Variants in NEMP2 observed in about 807,000 individuals in gnomAD.
The protein encoded by NEMP2 is UPF0571 transmembrane protein.
A neutral mutation model predicts 54.2 loss-of-function variants in NEMP2; 53 were observed. The observed-to-expected ratio is 0.98, with a 90% CI of 0.78 to 1.23. NEMP2 has a LOEUF of 1.23. Ranked by LOEUF, NEMP2 falls within the 50% of genes most tolerant of loss-of-function variation. The pLI is 0.00. For missense variants in NEMP2, 455 were observed against 511.3 expected (o/e 0.89, Z 1.06); for synonymous variants, 197 against 190.3 (o/e 1.04, Z -0.29).
rs931734833 is a variant in NEMP2 at position 190,530,855 on chromosome 2, A to G, written c.97+3704T>C. 6.6e-6 allele frequency among the ~76,000 whole-genome samples: 1 copy of G among 152,212 alleles called. No homozygotes were observed. The highest frequency in any genetic ancestry group is 6.5e-5 in the Admixed American group (1 of 15,286). ...AGAACCTCCGGTAGCAGATGTAGGCAAACTCAAATGTATCAAAACAACAAC... is the reference window on the plus strand; with the variant it reads ...AGAACCTCCGGTAGCAGATGTAGGCGAACTCAAATGTATCAAAACAACAAC... On this transcript the variant is annotated intron_variant, in intron 1 of 8. Transcript: ENST00000409150. This position sits in a 1 kb window ranked among gnomAD's most constrained non-coding sequence, Gnocchi z 4.6.
chr2:190,434,410 A>G, the NEMP2 span, among the ~76,000 whole-genome samples: 1,146 of 152,258 alleles, frequency 7.5e-3, 17 homozygotes, highest in Non-Finnish European at 7.9e-3. This position sits in a 1 kb window ranked among gnomAD's most constrained non-coding sequence, Gnocchi z 4.3. Flanking sequence ...CTAATATCGT[A>G]TATGAAAAAC....
downstream of NEMP2, chr2:190,500,244 G>A: frequency 6.2e-7 from 1 of 1,613,010 alleles, no homozygotes; most frequent in African/African-American, 1.3e-5. The surrounding 1 kb of genome is among the most constrained non-coding windows in gnomAD (Gnocchi z 5.3). Context: ...CTCACACCCT[G>A]CATGGAATCA....
chr2:190,453,069 G>A, the NEMP2 span, among the ~76,000 whole-genome samples: 4,186 of 152,138 alleles, frequency 0.028, 97 homozygotes, highest in Non-Finnish European at 0.038. Context: ...GTTGGAGGTG[G>A]AAGACAGTAA....
the NEMP2 span, among the ~76,000 whole-genome samples, chr2:190,473,726 G>A: frequency 6.6e-6 from 1 of 152,116 alleles, no homozygotes; most frequent in Admixed American, 6.5e-5. Flanking sequence ...GGACCTAATA[G>A]ACATCTACAG....
the NEMP2 span, among the ~76,000 whole-genome samples, chr2:190,621,893 G>A: frequency 5.3e-3 from 804 of 152,298 alleles, 13 homozygotes; most frequent in African/African-American, 0.018. Flanking sequence ...TGACTCACCC[G>A]AGGTCAGGGG....
the NEMP2 span, among the ~76,000 whole-genome samples, chr2:190,594,086 C>G: frequency 6.6e-6 from 1 of 152,202 alleles, no homozygotes; most frequent in Non-Finnish European, 1.5e-5. The surrounding 1 kb of genome is among the most constrained non-coding windows in gnomAD (Gnocchi z 5.6). Context: ...CTTCTCTGCT[C>G]TCTGCCACTG....
the NEMP2 span, among the ~76,000 whole-genome samples, chr2:190,591,330 TATC>T: frequency 6.6e-6 from 1 of 152,212 alleles, no homozygotes; most frequent in East Asian, 1.9e-4. This position sits in a 1 kb window ranked among gnomAD's most constrained non-coding sequence, Gnocchi z 5.4. Flanking sequence ...TTGAGTCTAA[TATC>T]ATTGCTGATA....
the NEMP2 span, among the ~76,000 whole-genome samples, chr2:190,476,456 CTCA>C: frequency 6.6e-6 from 1 of 152,098 alleles, no homozygotes; most frequent in African/African-American, 2.4e-5. Flanking sequence ...TGAAAAAATG[CTCA>C]TCATCACTGG....
chr2:190,576,974 TG>T, the NEMP2 span, among the ~76,000 whole-genome samples: 2 of 152,208 alleles, frequency 1.3e-5, no homozygotes, highest in Admixed American at 1.3e-4. Flanking sequence ...TGTCAGCAAC[TG>T]TTTATTCACC....
At position 190,512,656 on chromosome 2, in the gene NEMP2, G is replaced by T. The variant is rs1574292366; in HGVS notation, c.953+1797C>A. 6.6e-6 allele frequency among the ~76,000 whole-genome samples: 1 copy of T among 152,180 alleles called. No homozygotes were observed. Among genetic ancestry groups the T allele is most frequent in the Non-Finnish European group, 1.5e-5 (1 of 68,038 alleles). On this transcript the variant is annotated intron_variant, in intron 7 of 8. Transcript: ENST00000409150. The surrounding 1 kb of genome is among the most constrained non-coding windows in gnomAD (Gnocchi z 4.5). ...CTGGATGGTTAAAGGGAAGGAAGAA[G>T]GAACTCTATCCTGAGTTCCTCAGGC... is the stretch of plus-strand genomic sequence containing the variant.
At chr2:190,536,166 C>T (rs947084546), upstream of NEMP2, among the ~76,000 whole-genome samples, 3 of 152,094 alleles carry the variant, frequency 2.0e-5, no homozygotes, top group Admixed American at 1.3e-4. Context: ...AATATTTTTC[C>T]GGAGATAACA....
chr2:190,427,919 A>G, the NEMP2 span, among the ~76,000 whole-genome samples: 1 of 152,090 alleles, frequency 6.6e-6, no homozygotes. Flanking sequence ...TTTAGTAGAG[A>G]TGGGGTTTCA....
downstream of NEMP2, among the ~76,000 whole-genome samples, chr2:190,503,095 G>A (rs1574281353): frequency 6.6e-6 from 1 of 152,218 alleles, no homozygotes; most frequent in African/African-American, 2.4e-5. The surrounding 1 kb of genome is among the most constrained non-coding windows in gnomAD (Gnocchi z 6.3). Flanking sequence ...GTGTGTGGTT[G>A]TATTTCCATT....
chr2:190,595,052 G>A, the NEMP2 span, among the ~76,000 whole-genome samples: 4 of 152,018 alleles, frequency 2.6e-5, no homozygotes, highest in East Asian at 5.8e-4. The surrounding 1 kb of genome is among the most constrained non-coding windows in gnomAD (Gnocchi z 4.0). Context: ...GAGTACACTC[G>A]CCAAGAAATA....
the NEMP2 span, among the ~76,000 whole-genome samples, chr2:190,461,736 T>G: frequency 6.6e-6 from 1 of 152,172 alleles, no homozygotes; most frequent in African/African-American, 2.4e-5. The surrounding 1 kb of genome is among the most constrained non-coding windows in gnomAD (Gnocchi z 5.5). Context: ...CTTAATCACC[T>G]CCTTCATACT....
the NEMP2 span, among the ~76,000 whole-genome samples, chr2:190,593,489 G>A: frequency 1.3e-5 from 2 of 152,306 alleles, no homozygotes; most frequent in Middle Eastern, 3.4e-3. This position sits in a 1 kb window ranked among gnomAD's most constrained non-coding sequence, Gnocchi z 4.5. Flanking sequence ...AGGGAAGAGT[G>A]AAGAGTCTTC....
At chr2:190,524,391 CA>C in intron 2 of NEMP2, among the ~76,000 whole-genome samples, 1 of 152,230 alleles carries the variant, frequency 6.6e-6, no homozygotes, top group African/African-American at 2.4e-5. Flanking sequence ...GGGAAGAAAA[CA>C]GTAATTTTAG....
chr2:190,517,303 A>G (rs946453739), intron 5 of NEMP2, among the ~76,000 whole-genome samples: 3 of 152,100 alleles, frequency 2.0e-5, no homozygotes, highest in Non-Finnish European at 4.4e-5. Flanking sequence ...GGGTCTCAAA[A>G]AAAGTATCAT....
At chr2:190,467,952 T>C in the NEMP2 span, among the ~76,000 whole-genome samples, 1 of 152,246 alleles carries the variant, frequency 6.6e-6, no homozygotes, top group African/African-American at 2.4e-5. The surrounding 1 kb of genome is among the most constrained non-coding windows in gnomAD (Gnocchi z 5.5). Flanking sequence ...AACTGTTTAA[T>C]GTGTGGTCCT....
Sources: allele counts gnomAD v4.1 joint callset (sites outside exome capture counted in the v4.1 genomes callset), GRCh38; gene constraint gnomAD v4.1.1; non-coding constraint Gnocchi (gnomAD v3.1); transcripts MANE v1.5; gene names NCBI Gene and HGNC (gene_info 2026-07-23, HGNC 2026-07-21).